The following DCC variants were observed in gnomAD, a reference collection of about 807,000 sequenced individuals.
The protein encoded by DCC is DCC netrin 1 receptor, also known as netrin receptor DCC.
Under a neutral mutation model 172.5 loss-of-function variants are expected in DCC, and 58 were observed. That is an observed-to-expected ratio of 0.34 (90% CI 0.27 to 0.42). The LOEUF (loss-of-function observed/expected upper bound fraction) is 0.42. Among genes scored for constraint, DCC ranks in the 10% least tolerant of loss-of-function variants. The pLI is 1.00. For synonymous variants in DCC, 709 were observed against 644.5 expected, an observed-to-expected ratio of 1.10 and a Z score of -1.52; for missense variants, 1,740 against 1,791.0, an observed-to-expected ratio of 0.97 and a Z score of 0.51.
chr18:53,260,671 G>A (rs1254588405), intron 12 of DCC, among the ~76,000 whole-genome samples: 2 of 152,142 alleles, frequency 1.3e-5, no homozygotes, highest in Non-Finnish European at 2.9e-5. Flanking sequence ...TGAGGAGGCA[G>A]CCTGTCCATT....
chr18:53,468,324 A>C (rs1212114804), intron 25 of DCC, among the ~76,000 whole-genome samples: 1 of 126,366 alleles, frequency 7.9e-6, no homozygotes, highest in Non-Finnish European at 1.7e-5. Flanking sequence ...TATTCTAATA[A>C]TCATCTCCAT....
At chr18:53,009,024 G>C (rs911104679) in intron 5 of DCC, among the ~76,000 whole-genome samples, 1 of 151,872 alleles carries the variant, frequency 6.6e-6, no homozygotes, top group Non-Finnish European at 1.5e-5. Context: ...AAGATGATGA[G>C]AGTAGAATAC....
Position 52,604,026 on chromosome 18 carries a change from A to ATT in DCC, c.92-148019_92-148018dup, listed in dbSNP as rs5824950. On this transcript the variant is annotated intron_variant, in intron 1 of 28. Transcript: ENST00000442544. ...AGTGCTTGGGAATGTGTGAAAGGTTATTTTTTTTTTAAGTAAAGGTGGCAT... is the reference window on the plus strand; with the variant it reads ...AGTGCTTGGGAATGTGTGAAAGGTTATTTTTTTTTTTTAAGTAAAGGTGGCAT... 3.8e-3 allele frequency among the ~76,000 whole-genome samples: 566 copies of ATT among 150,220 alleles called. 6 individuals carry two copies. The highest frequency in any genetic ancestry group is 0.013 in the African/African-American group (533 of 41,002).
intron 1 of DCC, among the ~76,000 whole-genome samples, chr18:52,473,137 T>G: frequency 6.6e-6 from 1 of 152,212 alleles, no homozygotes; most frequent in East Asian, 1.9e-4. Flanking sequence ...GAAGCTTATT[T>G]CTGCCTGCTC....
intron 1 of DCC, among the ~76,000 whole-genome samples, chr18:52,566,586 G>A (rs1441629710): frequency 1.3e-5 from 2 of 152,160 alleles, no homozygotes; most frequent in Non-Finnish European, 2.9e-5. Flanking sequence ...ACAGATGGTG[G>A]TAGTTTTATA....
chr18:53,488,311 A>G (rs2045924708), intron 26 of DCC, among the ~76,000 whole-genome samples: 1 of 151,988 alleles, frequency 6.6e-6, no homozygotes, highest in Non-Finnish European at 1.5e-5. Context: ...AGAGGTGGAG[A>G]TTGCATTGAG....
chr18:53,441,652 T>C (rs1912285512), intron 22 of DCC, among the ~76,000 whole-genome samples: 1 of 152,146 alleles, frequency 6.6e-6, no homozygotes, highest in Admixed American at 6.5e-5. Context: ...TCAAACTGTA[T>C]TGTGTAACTG....
At chr18:52,434,526 T>C (rs889051433) in intron 1 of DCC, among the ~76,000 whole-genome samples, 27 of 152,214 alleles carry the variant, frequency 1.8e-4, no homozygotes, top group African/African-American at 5.3e-4. Flanking sequence ...AATATACTGA[T>C]AAAACAGTGG....
chr18:52,444,536 T>C (rs544311991), intron 1 of DCC, among the ~76,000 whole-genome samples: 5 of 152,272 alleles, frequency 3.3e-5, no homozygotes, highest in African/African-American at 1.2e-4. Flanking sequence ...CACAAGAATC[T>C]CTTTTTTTCA....
At chr18:53,358,879 T>A (rs2057912405) in intron 15 of DCC, among the ~76,000 whole-genome samples, 1 of 152,122 alleles carries the variant, frequency 6.6e-6, no homozygotes, top group South Asian at 2.1e-4. Context: ...AAATATAAGA[T>A]TATTTCATGA....
chr18:53,445,976 C>T (rs1375652775), intron 22 of DCC, among the ~76,000 whole-genome samples: 1 of 150,798 alleles, frequency 6.6e-6, no homozygotes, highest in Non-Finnish European at 1.5e-5. Context: ...GGATATAATA[C>T]ATTGGGTGGA....
At chr18:52,865,820 T>C (rs1032668282) in intron 2 of DCC, among the ~76,000 whole-genome samples, 1 of 152,110 alleles carries the variant, frequency 6.6e-6, no homozygotes, top group Non-Finnish European at 1.5e-5. Flanking sequence ...CAGAGACAAC[T>C]TGGCTTCCTT....
chr18:53,030,561 C>T (rs528597078), intron 5 of DCC, among the ~76,000 whole-genome samples: 1 of 152,190 alleles, frequency 6.6e-6, no homozygotes, highest in Admixed American at 6.6e-5. Context: ...GGACCTATTG[C>T]TATAGGTCTC....
intron 24 of DCC, among the ~76,000 whole-genome samples, chr18:53,467,139 C>A (rs1312437474): frequency 6.6e-6 from 1 of 151,914 alleles, no homozygotes; most frequent in Admixed American, 6.6e-5. Flanking sequence ...TTGTGTATAA[C>A]CTTATTACAT....
At chr18:52,922,043 G>A (rs115590597) in intron 3 of DCC, among the ~76,000 whole-genome samples, 157 of 151,286 alleles carry the variant, frequency 1.0e-3, no homozygotes, top group African/African-American at 3.2e-3. Context: ...CCATATTTGC[G>A]AGATTTGAAA....
At chr18:52,762,290 T>C (rs1463146946) in intron 2 of DCC, among the ~76,000 whole-genome samples, 2 of 151,442 alleles carry the variant, frequency 1.3e-5, no homozygotes, top group African/African-American at 2.4e-5. Context: ...ATGGGCAACA[T>C]AGTGAGACCA....
intron 7 of DCC, among the ~76,000 whole-genome samples, chr18:53,068,666 A>AG (rs1421167149): frequency 2.0e-5 from 3 of 151,866 alleles, no homozygotes; most frequent in African/African-American, 7.3e-5. Context: ...GCTCACAGGG[A>AG]GGGAGGATTC....
At chr18:53,291,955 T>C (rs1227612750) in intron 12 of DCC, among the ~76,000 whole-genome samples, 1 of 152,158 alleles carries the variant, frequency 6.6e-6, no homozygotes, top group Non-Finnish European at 1.5e-5. Flanking sequence ...TTCCAGTTTC[T>C]AGGACCTAGA....
intron 1 of DCC, among the ~76,000 whole-genome samples, chr18:52,413,048 A>G (rs1169960614): frequency 6.6e-6 from 1 of 151,890 alleles, no homozygotes; most frequent in East Asian, 1.9e-4. Flanking sequence ...TTTGACATTT[A>G]TTATCTCCAT....
Sources: gnomAD v4.1 joint callset for allele counts (sites outside exome capture counted in the v4.1 genomes callset) on GRCh38, gnomAD v4.1.1 for gene constraint, MANE v1.5 for transcripts, NCBI Gene and HGNC (gene_info 2026-07-23, HGNC 2026-07-21) for gene names.